The following FHIT variants were observed in gnomAD, a reference collection of about 807,000 sequenced individuals.
FHIT encodes the protein fragile histidine triad diadenosine triphosphatase, also known as bis(5'-adenosyl)-triphosphatase.
In FHIT, 19 loss-of-function variants were observed where a neutral mutation model predicts 17.9. The observed-to-expected ratio is 1.06, with a 90% CI of 0.74 to 1.56. The LOEUF (loss-of-function observed/expected upper bound fraction) is 1.56, where lower values mean the gene tolerates loss of function less well. FHIT is among the 40% of genes most tolerant of loss of function. The probability of loss-of-function intolerance (pLI) is 0.00; values close to 1 mark genes in which losing one functional copy is unlikely to be tolerated. For synonymous variants in FHIT, 81 were observed against 69.7 expected (o/e 1.16, Z -0.81); for missense variants, 248 against 189.2 (o/e 1.31, Z -1.82).
chr3:59,851,228 A>G (rs772446801), intron 8 of FHIT, among the ~76,000 whole-genome samples: 3 of 152,142 alleles, frequency 2.0e-5, no homozygotes, highest in Non-Finnish European at 4.4e-5. Flanking sequence ...TAGCTCAAAA[A>G]CGATCAGAGC....
intron 5 of FHIT, among the ~76,000 whole-genome samples, chr3:60,495,619 G>A (rs1340641472): frequency 2.0e-5 from 3 of 151,418 alleles, no homozygotes; most frequent in African/African-American, 4.9e-5. Flanking sequence ...TTCATAACTG[G>A]GGATATCCAA....
intron 3 of FHIT, among the ~76,000 whole-genome samples, chr3:60,944,056 T>C (rs1244769959): frequency 2.0e-5 from 3 of 152,128 alleles, no homozygotes; most frequent in Non-Finnish European, 4.4e-5. Flanking sequence ...GACAATTGAA[T>C]TAGTATCTTT....
chr3:60,396,563 G>A (rs1389498453), intron 5 of FHIT, among the ~76,000 whole-genome samples: 1 of 152,058 alleles, frequency 6.6e-6, no homozygotes, highest in Non-Finnish European at 1.5e-5. Flanking sequence ...TATATTGTAC[G>A]ATTCCATTTA....
chr3:60,392,036 A>C (rs1033885907), intron 5 of FHIT, among the ~76,000 whole-genome samples: 1 of 152,092 alleles, frequency 6.6e-6, no homozygotes, highest in African/African-American at 2.4e-5. Flanking sequence ...CTTAATATTT[A>C]TCACATTATG....
At chr3:61,093,986 T>C (rs889107010) in intron 2 of FHIT, among the ~76,000 whole-genome samples, 8 of 152,232 alleles carry the variant, frequency 5.3e-5, no homozygotes, top group Non-Finnish European at 1.0e-4. Flanking sequence ...CATAAGGAAG[T>C]AAACAGCAAC....
At chr3:60,833,228 G>C (rs532292352) in intron 3 of FHIT, among the ~76,000 whole-genome samples, 3 of 152,118 alleles carry the variant, frequency 2.0e-5, no homozygotes, top group East Asian at 3.9e-4. Flanking sequence ...CTCCAATCAC[G>C]AGCCCTGTAG....
At chr3:60,158,587 C>T (rs1023351878) in intron 5 of FHIT, among the ~76,000 whole-genome samples, 1 of 152,164 alleles carries the variant, frequency 6.6e-6, no homozygotes, top group East Asian at 1.9e-4. Flanking sequence ...GCTGGGATTA[C>T]AGGCGTAAGC....
intron 4 of FHIT, among the ~76,000 whole-genome samples, chr3:60,710,483 G>T (rs561431195): frequency 1.3e-5 from 2 of 152,338 alleles, no homozygotes; most frequent in African/African-American, 2.4e-5. Context: ...GCCTCACTCG[G>T]GAAGCGCAAG....
intron 4 of FHIT, among the ~76,000 whole-genome samples, chr3:60,612,000 G>T (rs540354343): frequency 3.9e-5 from 6 of 152,252 alleles, no homozygotes; most frequent in African/African-American, 1.4e-4. Context: ...ACTCTCAGCA[G>T]GATGTCCCAT....
chr3:61,077,015 G>T (rs2034992214), intron 2 of FHIT, among the ~76,000 whole-genome samples: 1 of 152,128 alleles, frequency 6.6e-6, no homozygotes, highest in Non-Finnish European at 1.5e-5. Context: ...CAGGCAGGAT[G>T]AATGAGGCTA....
intron 7 of FHIT, among the ~76,000 whole-genome samples, chr3:60,000,741 C>T (rs1699697527): frequency 6.6e-6 from 1 of 152,078 alleles, no homozygotes; most frequent in Non-Finnish European, 1.5e-5. Flanking sequence ...ATACCCTCTG[C>T]CCTGAAATAC....
intron 7 of FHIT, among the ~76,000 whole-genome samples, chr3:59,979,657 G>A (rs1708565841): frequency 6.6e-6 from 1 of 152,050 alleles, no homozygotes; most frequent in South Asian, 2.1e-4. Flanking sequence ...TCCTATCAAT[G>A]GGGCACATTG....
rs137972002 is a variant in FHIT at position 60,648,261 on chromosome 3, T to A, written c.-17-111282A>T. ...TCACCTGGACTGAACTGCGCTTTTG[T>A]TATTTATAATGCAATATGGTATAAA... On this transcript the variant is annotated intron_variant, in intron 4 of 9. Transcript: ENST00000492590. Among the ~76,000 whole-genome samples the A allele has an allele frequency of 3.9e-5, 6 of 152,100 alleles. No individual in the cohort carries two copies. The East Asian group carries it at 1.2e-3, about 31-fold the overall frequency.
In FHIT at chr3:60,041,473, C is replaced by T. The variant is rs549792390; in HGVS notation, c.104-27321G>A. Among the ~76,000 whole-genome samples the T allele has an allele frequency of 7.2e-5, 11 of 152,278 alleles. No homozygotes were observed. In the East Asian group the frequency reaches 1.2e-3, roughly 16 times the overall value. On this transcript the variant is annotated intron_variant, in intron 5 of 9. Coordinates refer to ENST00000492590, the MANE Select transcript of FHIT (RefSeq NM_002012.4). ...CCGCCAAGGTTGGAATGAAGCCTTTCGAAGAAATGCTAAGTTAATTAGCCA... is the reference window on the plus strand; with the variant it reads ...CCGCCAAGGTTGGAATGAAGCCTTTTGAAGAAATGCTAAGTTAATTAGCCA...
chr3:59,914,846 C>G (rs954618209), intron 8 of FHIT, among the ~76,000 whole-genome samples: 22 of 151,224 alleles, frequency 1.5e-4, no homozygotes, highest in African/African-American at 5.4e-4. Flanking sequence ...TCCCTATACT[C>G]TCATTTCTCT....
In FHIT at chr3:59,749,428, A is replaced by C. The variant is rs1343453195; in HGVS notation, c.*157T>G. On this transcript the variant is annotated 3_prime_UTR_variant, in exon 10 of 10. Coordinates refer to ENST00000492590, the MANE Select transcript of FHIT (RefSeq NM_002012.4). ...TATTTTAAGGGAGTTGGAGTGACCG[A>C]GGTGGGGGATCACTGGTTGAAGAAT... 4.3e-6 allele frequency: 1 copy of C among 231,332 alleles called. No homozygotes were observed. The highest frequency in any genetic ancestry group is 5.7e-5 in the Admixed American group (1 of 17,674). The allele number at this position is 231,332 out of a possible 1,614,324, so 14.3% of individuals were successfully genotyped here.
At chr3:60,934,264 T>C (rs1456660902) in intron 3 of FHIT, among the ~76,000 whole-genome samples, 1 of 151,948 alleles carries the variant, frequency 6.6e-6, no homozygotes, top group Non-Finnish European at 1.5e-5. Flanking sequence ...TTCTGATTCC[T>C]GTACAGCCCT....
chr3:59,951,784 C>A (rs180803487), intron 7 of FHIT, among the ~76,000 whole-genome samples: 38 of 152,290 alleles, frequency 2.5e-4, no homozygotes, highest in Admixed American at 1.8e-3. Flanking sequence ...AGTTACATCA[C>A]CCCACCAGCC....
At chr3:60,402,380 A>G (rs937707081) in intron 5 of FHIT, among the ~76,000 whole-genome samples, 4 of 152,160 alleles carry the variant, frequency 2.6e-5, no homozygotes, top group Admixed American at 2.0e-4. Context: ...TGTGGCCCCC[A>G]CTAATTTTCC....
Sources: gnomAD v4.1 joint callset for allele counts (sites outside exome capture counted in the v4.1 genomes callset) on GRCh38, gnomAD v4.1.1 for gene constraint, MANE v1.5 for transcripts, NCBI Gene and HGNC (gene_info 2026-07-23, HGNC 2026-07-21) for gene names.